DNAH5: variants seen among roughly 807,000 people sequenced by gnomAD.
DNAH5 encodes the protein axonemal beta dynein heavy chain 5.
DNAH5 carries 372 observed loss-of-function variants against 518.2 expected under a neutral mutation model. The ratio of observed to expected loss-of-function variants is 0.72; its 90% CI spans 0.66 to 0.78. The LOEUF is 0.78. Among genes scored for constraint, DNAH5 ranks in the 30% least tolerant of loss-of-function variants. DNAH5 has a pLI of 0.00. For missense variants in DNAH5, 5,523 were observed against 5,687.0 expected, an observed-to-expected ratio of 0.97 and a Z score of 0.93; for synonymous variants, 2,039 against 2,025.9, an observed-to-expected ratio of 1.01 and a Z score of -0.17.
intron 1 of DNAH5, among the ~76,000 whole-genome samples, chr5:13,961,325 T>C (rs1464571017): frequency 1.3e-5 from 2 of 152,184 alleles, no homozygotes; most frequent in Non-Finnish European, 2.9e-5. Context: ...ATTCCCATTT[T>C]CCAAATGAGG....
intron 1 of DNAH5, among the ~76,000 whole-genome samples, chr5:13,931,584 A>T (rs1450308969): frequency 1.3e-5 from 2 of 152,160 alleles, no homozygotes; most frequent in Non-Finnish European, 2.9e-5. Flanking sequence ...AAAAAAAGAG[A>T]TCTCCATTTT....
At chr5:13,783,891 C>T (rs1003305749) in intron 52 of DNAH5, among the ~76,000 whole-genome samples, 4 of 152,100 alleles carry the variant, frequency 2.6e-5, no homozygotes, top group East Asian at 1.9e-4. Context: ...CAGGGCCAGC[C>T]GGGAAGTGGA....
At chr5:13,951,264 T>G (rs13436851) in intron 1 of DNAH5, among the ~76,000 whole-genome samples, 2,833 of 128,968 alleles carry the variant, frequency 0.022, 94 homozygotes, top group African/African-American at 0.077. Context: ...TCGCCCAGGC[T>G]GAAGTGCAGT....
In DNAH5 at chr5:13,730,126, CTTATGCCTGTGG is replaced by C. The variant is rs145663254; in HGVS notation, c.11762-578_11762-567del. Reference sequence around the variant, plus strand: ...ACCCCAAGGGTTCCATGCTGTGTCACTTATGCCTGTGGTTATACCCTAAGCTAACCACAACAA... The same window carrying C: ...ACCCCAAGGGTTCCATGCTGTGTCACTTATACCCTAAGCTAACCACAACAA... On this transcript the variant is annotated intron_variant, in intron 68 of 78. Transcript: ENST00000265104. Among the ~76,000 whole-genome samples, 233 of 152,296 alleles carry C rather than the reference CTTATGCCTGTGG, an allele frequency of 1.5e-3. 1 individual carries two copies. Among genetic ancestry groups the C allele is most frequent in the African/African-American group, 5.5e-3 (229 of 41,554 alleles).
chr5:13,791,634 A>C (rs1228708056), intron 50 of DNAH5, among the ~76,000 whole-genome samples: 1 of 152,216 alleles, frequency 6.6e-6, no homozygotes, highest in Non-Finnish European at 1.5e-5. Flanking sequence ...TAAAATATGA[A>C]GACTATTATA....
At position 13,751,739 on chromosome 5, in the gene DNAH5, G is replaced by A. The variant is rs536627914; in HGVS notation, c.11028+395C>T. Among the ~76,000 whole-genome samples, 8 of 152,230 alleles carry A rather than the reference G, an allele frequency of 5.3e-5. No homozygotes were observed. In the South Asian group the frequency reaches 1.2e-3, roughly 24 times the overall value. ...TGCTCTAGGGCTTTGTGGTGTTTAGGGGGTAGAGCTGGGGTGAGGGTTCCC... is the reference window on the plus strand; with the variant it reads ...TGCTCTAGGGCTTTGTGGTGTTTAGAGGGTAGAGCTGGGGTGAGGGTTCCC... On this transcript the variant is annotated intron_variant, in intron 64 of 78. Transcript: ENST00000265104.
intron 58 of DNAH5, 86 bp downstream of exon 58, chr5:13,768,874 G>T (rs1306825879): frequency 1.4e-6 from 2 of 1,426,772 alleles, no homozygotes; most frequent in Non-Finnish European, 2.0e-6. Flanking sequence ...AACCAGTAGA[G>T]CATTTCCTTG....
intron 78 of DNAH5, among the ~76,000 whole-genome samples, chr5:13,696,504 T>C (rs992519562): frequency 1.5e-4 from 23 of 152,206 alleles, no homozygotes; most frequent in African/African-American, 5.3e-4. Flanking sequence ...GATTTCTTCT[T>C]GTAGAAAACA....
chr5:13,736,477 C>A (rs1391852854), intron 66 of DNAH5, among the ~76,000 whole-genome samples: 1 of 152,136 alleles, frequency 6.6e-6, no homozygotes, highest in Non-Finnish European at 1.5e-5. Context: ...TCACTGCAAC[C>A]TCCGCCTCCT....
intron 62 of DNAH5, 95 bp from the exon 63 acceptor site, chr5:13,753,644 T>G: frequency 8.8e-7 from 1 of 1,130,796 alleles, no homozygotes; most frequent in Non-Finnish European, 1.3e-6. Flanking sequence ...AGACAATAAT[T>G]CTTTTAAACT....
At chr5:13,901,975 T>C in intron 13 of DNAH5, 78 bp downstream of exon 13, 1 of 1,044,978 alleles carries the variant, frequency 9.6e-7, no homozygotes, top group Non-Finnish European at 1.4e-6. Flanking sequence ...GAATATGAAA[T>C]AATAATAATA....
Position 13,737,326 on chromosome 5 carries a change from T to A in DNAH5, c.11381A>T (p.Glu3794Val), listed in dbSNP as rs1336455572. Residue 3794 changes from glutamate (E) to valine (V), a missense_variant, in exon 66 of 79, where the codon GAG becomes GTG. By Grantham distance (121) the Glu-to-Val change is moderately radical. Coordinates refer to ENST00000265104, the MANE Select transcript of DNAH5 (RefSeq NM_001369.3). The part of the protein sequence containing the change: ...VLSNTKRTAE[E>V]VTQKLEISAE... ...AGAAATTTCTAGCTTCTGTGTCACC[T>A]CCTCGGCTGTCCTTTTTGTGTTACT... 2 of 1,614,140 alleles carry A rather than the reference T, an allele frequency of 1.2e-6. No homozygotes were observed. Among genetic ancestry groups the A allele is most frequent in the African/African-American group, 2.7e-5 (2 of 75,048 alleles).
intron 1 of DNAH5, among the ~76,000 whole-genome samples, chr5:13,971,794 T>A (rs1468757332): frequency 1.3e-5 from 2 of 152,112 alleles, no homozygotes; most frequent in African/African-American, 4.8e-5. Context: ...GCATCAGTTG[T>A]GGTAGTATAG....
At chr5:13,796,870 A>C (rs1757907722) in intron 47 of DNAH5, among the ~76,000 whole-genome samples, 1 of 152,216 alleles carries the variant, frequency 6.6e-6, no homozygotes, top group African/African-American at 2.4e-5. Context: ...CCAATGGAAC[A>C]GAACAGAGGC....
intron 63 of DNAH5, 31 bp downstream of exon 63, chr5:13,753,202 G>A (rs771187013): frequency 1.0e-5 from 16 of 1,537,458 alleles, no homozygotes; most frequent in East Asian, 6.8e-5. Flanking sequence ...AAACTTAACC[G>A]GTAGCATAAA....
At chr5:13,713,222 G>A (rs977801750) in intron 75 of DNAH5, among the ~76,000 whole-genome samples, 4 of 134,734 alleles carry the variant, frequency 3.0e-5, no homozygotes, top group African/African-American at 5.6e-5. Flanking sequence ...TATATATACC[G>A]ACATATATAT....
chr5:13,780,693 G>T, intron 53 of DNAH5, 136 bp downstream of exon 53: 1 of 975,588 alleles, frequency 1.0e-6, no homozygotes. Flanking sequence ...GACAGGGGAA[G>T]ATGATAAGTC....
chr5:13,871,337 CTGACTTAGT>C (rs1479187494), intron 23 of DNAH5, among the ~76,000 whole-genome samples: 4 of 152,054 alleles, frequency 2.6e-5, no homozygotes, highest in Non-Finnish European at 5.9e-5. Flanking sequence ...TCTCCTTTCT[CTGACTTAGT>C]CTTTTTTTCA....
intron 35 of DNAH5, among the ~76,000 whole-genome samples, chr5:13,838,160 T>C (rs1764662708): frequency 6.6e-6 from 1 of 152,230 alleles, no homozygotes; most frequent in African/African-American, 2.4e-5. Context: ...AGCGAAAATA[T>C]ACAATGTAGT....
Sources: gnomAD v4.1 joint callset for allele counts (sites outside exome capture counted in the v4.1 genomes callset) on GRCh38, gnomAD v4.1.1 for gene constraint, MANE v1.5 for transcripts, NCBI Gene and HGNC (gene_info 2026-07-23, HGNC 2026-07-21) for gene names.